SYT16: variants seen among roughly 807,000 people sequenced by gnomAD.
SYT16 encodes the protein synaptotagmin 16.
Under a neutral mutation model 61.4 loss-of-function variants are expected in SYT16, and 42 were observed. The ratio of observed to expected loss-of-function variants is 0.68; its 90% CI spans 0.53 to 0.89. SYT16 has a LOEUF of 0.89. Ranked by LOEUF, SYT16 falls within the 40% of genes least tolerant of loss-of-function variation. SYT16 has a pLI of 0.00. For synonymous variants in SYT16, 314 were observed against 302.3 expected, an observed-to-expected ratio of 1.04 and a Z score of -0.40; for missense variants, 804 against 807.3, an observed-to-expected ratio of 1.00 and a Z score of 0.05.
intron 1 of SYT16, among the ~76,000 whole-genome samples, chr14:61,951,982 T>C (rs115496856): frequency 6.6e-6 from 1 of 151,948 alleles, no homozygotes; most frequent in Non-Finnish European, 1.5e-5. Flanking sequence ...TAGAGACAGG[T>C]TTCGCCATGT....
intron 1 of SYT16, among the ~76,000 whole-genome samples, chr14:61,943,253 C>T (rs1456571212): frequency 6.6e-6 from 1 of 152,000 alleles, no homozygotes; most frequent in African/African-American, 2.4e-5. Context: ...GCCTACCAAC[C>T]AAAAAAAGCC....
intron 1 of SYT16, among the ~76,000 whole-genome samples, chr14:61,915,401 CATAAT>C (rs1416987454): frequency 6.6e-6 from 1 of 151,960 alleles, no homozygotes; most frequent in East Asian, 1.9e-4. Context: ...GAACTAGAAA[CATAAT>C]ATAAAATTCC....
At chr14:61,902,716 G>C (rs1454418590) in intron 1 of SYT16, among the ~76,000 whole-genome samples, 1 of 152,124 alleles carries the variant, frequency 6.6e-6, no homozygotes, top group Non-Finnish European at 1.5e-5. Flanking sequence ...TAAAGAAAAA[G>C]GTTTAAGGGA....
At chr14:61,836,950 C>A (rs2046149634) in intron 1 of SYT16, among the ~76,000 whole-genome samples, 1 of 152,158 alleles carries the variant, frequency 6.6e-6, no homozygotes, top group Non-Finnish European at 1.5e-5. Context: ...TCTCTCCTAC[C>A]TCCCCTGCAG....
At chr14:62,072,282 T>C (rs2056326660) in intron 4 of SYT16, among the ~76,000 whole-genome samples, 1 of 152,304 alleles carries the variant, frequency 6.6e-6, no homozygotes, top group South Asian at 2.1e-4. Flanking sequence ...TTTGAGATGG[T>C]ATATCTGCCA....
chr14:62,033,396 G>A (rs2054381335), intron 3 of SYT16, among the ~76,000 whole-genome samples: 1 of 151,990 alleles, frequency 6.6e-6, no homozygotes, highest in South Asian at 2.1e-4. Flanking sequence ...CACAGGAACT[G>A]GCAAAATGTG....
intron 7 of SYT16, among the ~76,000 whole-genome samples, chr14:62,099,838 A>G (rs1346108111): frequency 1.3e-5 from 2 of 152,082 alleles, no homozygotes; most frequent in Admixed American, 1.3e-4. Context: ...TGATCATGCC[A>G]CTGCACCCCA....
chr14:61,898,514 A>G (rs2048404053), intron 1 of SYT16, among the ~76,000 whole-genome samples: 1 of 152,162 alleles, frequency 6.6e-6, no homozygotes, highest in Non-Finnish European at 1.5e-5. Flanking sequence ...GATCTCATGG[A>G]GGAAATCCCG....
intron 7 of SYT16, among the ~76,000 whole-genome samples, chr14:62,089,409 A>G (rs920592112): frequency 1.3e-5 from 2 of 151,940 alleles, no homozygotes; most frequent in Admixed American, 1.3e-4. Flanking sequence ...AAGGGAAAGT[A>G]TTTGGCTGGG....
rs773555733 is a variant in SYT16, at chr14:62,084,363, C to T, written c.1602C>T (p.Asn534=). ...TGATCAAAGGCAGCCATTTCCGAAA[C>T]CTCGCTGTTAACCGAGCACCTGGTA... is the stretch of plus-strand genomic sequence containing the variant. ...VEMIKGSHFR[N]LAVNRAPDTY... The change falls in exon 7 of 8, where the codon AAC becomes AAT. Residue 534 remains asparagine, a synonymous_variant. Coordinates refer to ENST00000683842, the MANE Select transcript of SYT16 (RefSeq NM_001367656.1). 1.2e-6 allele frequency: 2 copies of T among 1,612,448 alleles called. No homozygotes were observed. The highest frequency in any genetic ancestry group is 1.7e-6 in the Non-Finnish European group (2 of 1,179,730).
chr14:61,950,239 C>T (rs1482702288), intron 1 of SYT16, among the ~76,000 whole-genome samples: 1 of 152,030 alleles, frequency 6.6e-6, no homozygotes, highest in Non-Finnish European at 1.5e-5. Flanking sequence ...TCTAAATTGG[C>T]CTTGATTCTG....
intron 2 of SYT16, among the ~76,000 whole-genome samples, chr14:61,979,123 G>A (rs566371111): frequency 6.6e-6 from 1 of 152,048 alleles, no homozygotes; most frequent in African/African-American, 2.4e-5. Context: ...TTTGTAAAAT[G>A]GTGTGAATCA....
intron 2 of SYT16, among the ~76,000 whole-genome samples, chr14:61,979,920 G>T (rs1222875626): frequency 6.6e-6 from 1 of 152,140 alleles, no homozygotes. Flanking sequence ...GTTTTTGACG[G>T]TCTATAGAAT....
At chr14:61,838,628 C>G (rs2046205527) in intron 1 of SYT16, among the ~76,000 whole-genome samples, 1 of 152,190 alleles carries the variant, frequency 6.6e-6, no homozygotes, top group Non-Finnish European at 1.5e-5. Context: ...CATAGGCTTT[C>G]TTTCACAAAG....
At chr14:61,871,133 C>T (rs1346170657) in intron 1 of SYT16, among the ~76,000 whole-genome samples, 1 of 152,160 alleles carries the variant, frequency 6.6e-6, no homozygotes, top group East Asian at 1.9e-4. Flanking sequence ...GGGTATAAAT[C>T]ATCCGATAAT....
At chr14:61,882,577 A>G (rs906934680) in intron 1 of SYT16, among the ~76,000 whole-genome samples, 13 of 152,188 alleles carry the variant, frequency 8.5e-5, no homozygotes, top group African/African-American at 3.1e-4. Context: ...GGTGAGGACC[A>G]AACCAAACAA....
At chr14:61,879,787 T>C (rs184042214) in intron 1 of SYT16, among the ~76,000 whole-genome samples, 2 of 152,356 alleles carry the variant, frequency 1.3e-5, no homozygotes, top group East Asian at 3.9e-4. Context: ...TGCATAATTG[T>C]GCTCAGTGAT....
At chr14:61,940,048 C>T (rs1166130541) in intron 1 of SYT16, among the ~76,000 whole-genome samples, 2 of 152,080 alleles carry the variant, frequency 1.3e-5, no homozygotes, top group Non-Finnish European at 2.9e-5. Context: ...ATATTTATTG[C>T]AGTCAACTGT....
intron 1 of SYT16, among the ~76,000 whole-genome samples, chr14:61,836,467 C>T (rs913965129): frequency 1.1e-4 from 16 of 152,304 alleles, no homozygotes; most frequent in African/African-American, 3.6e-4. Flanking sequence ...ATCTTGGTAA[C>T]ATAAACAGTC....
Sources: gnomAD v4.1 joint callset for allele counts (sites outside exome capture counted in the v4.1 genomes callset) on GRCh38, gnomAD v4.1.1 for gene constraint, MANE v1.5 for transcripts, NCBI Gene and HGNC (gene_info 2026-07-23, HGNC 2026-07-21) for gene names.